RNF130: variants seen among roughly 807,000 people sequenced by gnomAD.
RNF130 encodes the protein E3 ubiquitin-protein ligase RNF130.
Under a neutral mutation model 44.6 loss-of-function variants are expected in RNF130, and 21 were observed. The ratio of observed to expected loss-of-function variants is 0.47; its 90% CI spans 0.33 to 0.68. The LOEUF is 0.68. Among genes scored for constraint, RNF130 ranks in the 30% least tolerant of loss-of-function variants. The pLI, the probability that RNF130 is intolerant of heterozygous loss-of-function variation, is 0.02. For synonymous variants in RNF130, 214 were observed against 210.4 expected (o/e 1.02, Z -0.15); for missense variants, 479 against 560.6 (o/e 0.85, Z 1.47).
intron 1 of RNF130, among the ~76,000 whole-genome samples, chr5:180,048,410 G>T (rs979519540): frequency 1.3e-5 from 2 of 152,076 alleles, no homozygotes; most frequent in African/African-American, 4.8e-5. Context: ...CCGAATCTAG[G>T]CAATTTCTGC....
intron 5 of RNF130, among the ~76,000 whole-genome samples, chr5:179,972,827 C>A (rs1176379423): frequency 1.3e-5 from 2 of 152,148 alleles, no homozygotes; most frequent in East Asian, 3.8e-4. Flanking sequence ...CTGCCTGTTT[C>A]TTTAACCTGA....
intron 2 of RNF130, among the ~76,000 whole-genome samples, chr5:180,035,275 T>A (rs1764224595): frequency 6.6e-6 from 1 of 152,250 alleles, no homozygotes; most frequent in Non-Finnish European, 1.5e-5. Flanking sequence ...TTGAATTTTT[T>A]ATTGGACCCG....
In RNF130 at chr5:180,022,429, C is replaced by A. The variant is rs923455122; in HGVS notation, c.443-9118G>T. On this transcript the variant is annotated intron_variant, in intron 2 of 8. Coordinates refer to ENST00000521389, the MANE Select transcript of RNF130 (RefSeq NM_018434.6). ...GCTTCATAAGACCCTGTGTACAGAGCTTTCCTAACTTATTCTTTTCTGGAC... is the reference window on the plus strand; with the variant it reads ...GCTTCATAAGACCCTGTGTACAGAGATTTCCTAACTTATTCTTTTCTGGAC... Among the ~76,000 whole-genome samples the A allele has an allele frequency of 1.6e-4, 24 of 152,342 alleles. 1 individual carries two copies. Among genetic ancestry groups the A allele is most frequent in the Middle Eastern group, 3.4e-3 (1 of 294 alleles).
chr5:180,051,374 C>G (rs1441539858), intron 1 of RNF130, among the ~76,000 whole-genome samples: 1 of 151,666 alleles, frequency 6.6e-6, no homozygotes, highest in Non-Finnish European at 1.5e-5. Context: ...CTCAGCCTCC[C>G]GAGTAGCTGG....
At chr5:180,016,671 C>T (rs934992652) in intron 2 of RNF130, among the ~76,000 whole-genome samples, 3 of 152,222 alleles carry the variant, frequency 2.0e-5, no homozygotes, top group Admixed American at 6.5e-5. Flanking sequence ...TGTTTCCACA[C>T]TGCTTGAGTC....
chr5:179,957,929 G>A (rs926809637), intron 8 of RNF130, among the ~76,000 whole-genome samples: 3 of 150,948 alleles, frequency 2.0e-5, no homozygotes, highest in Non-Finnish European at 4.4e-5. Flanking sequence ...CCAGGCTGGA[G>A]TGCAGTGGCG....
chr5:179,976,144 A>AC (rs995107880), intron 5 of RNF130, among the ~76,000 whole-genome samples: 8 of 152,150 alleles, frequency 5.3e-5, no homozygotes, highest in African/African-American at 1.4e-4. Flanking sequence ...ACATAGTGAG[A>AC]CCCCAACTCT....
chr5:179,918,254 C>A (rs1313990828), exon 8 of RNF130: 5 of 152,160 alleles, frequency 3.3e-5, no homozygotes. Flanking sequence ...CCAGATTTCC[C>A]AGAAATTCAA....
intron 7 of RNF130, among the ~76,000 whole-genome samples, chr5:179,941,231 C>T (rs549500484): frequency 5.4e-4 from 82 of 152,172 alleles, no homozygotes; most frequent in Middle Eastern, 3.2e-3. Context: ...TAATGGATTG[C>T]TGGACATGTA....
intron 3 of RNF130, among the ~76,000 whole-genome samples, chr5:179,980,865 A>G (rs1356215190): frequency 6.6e-6 from 1 of 152,196 alleles, no homozygotes; most frequent in Non-Finnish European, 1.5e-5. Context: ...CTTGGCACCA[A>G]CAACCCACAG....
At chr5:179,951,048 C>T (rs1271251017), downstream of RNF130, among the ~76,000 whole-genome samples, 2 of 152,146 alleles carry the variant, frequency 1.3e-5, no homozygotes, top group Non-Finnish European at 2.9e-5. Flanking sequence ...CAAACATGCT[C>T]GGCTGAACTC....
At position 180,066,510 on chromosome 5, in the gene RNF130, T is replaced by C. The variant is rs79597811; in HGVS notation, c.247+4946A>G. Among the ~76,000 whole-genome samples the C allele has an allele frequency of 7.1e-3, 1,079 of 152,196 alleles. 12 individuals carry two copies. Among genetic ancestry groups the C allele is most frequent in the African/African-American group, 0.025 (1,033 of 41,520 alleles). ...CAAGAACAACACTGTCCCTCATGGG[T>C]ATAGTCTAGCAAGTTTGTTTAAAAA... On this transcript the variant is annotated intron_variant, in intron 1 of 8. Transcript: ENST00000521389.
intron 2 of RNF130, among the ~76,000 whole-genome samples, chr5:180,013,716 G>T (rs1247393003): frequency 6.6e-6 from 1 of 152,186 alleles, no homozygotes; most frequent in African/African-American, 2.4e-5. Context: ...ATGATCTTCA[G>T]AAAGTCTTAA....
exon 8 of RNF130, chr5:179,920,311 TA>T: frequency 1.4e-6 from 1 of 697,144 alleles, no homozygotes; most frequent in Non-Finnish European, 2.6e-6. Context: ...AGGCCATGTT[TA>T]AAATTCAGGT....
intron 1 of RNF130, among the ~76,000 whole-genome samples, chr5:180,050,367 G>A (rs1306143467): frequency 2.0e-5 from 3 of 152,182 alleles, no homozygotes; most frequent in African/African-American, 4.8e-5. Flanking sequence ...CTGACTCCAG[G>A]GAGTGTCACT....
At chr5:179,934,638 G>A (rs80291090) in intron 7 of RNF130, among the ~76,000 whole-genome samples, 4,149 of 150,968 alleles carry the variant, frequency 0.027, 220 homozygotes, top group African/African-American at 0.094. Context: ...CGAACTTATG[G>A]GTTCAAGTGA....
chr5:180,030,954 C>A (rs556294267), intron 2 of RNF130, among the ~76,000 whole-genome samples: 1 of 152,268 alleles, frequency 6.6e-6, no homozygotes, highest in Admixed American at 6.5e-5. Context: ...CCTGAAATAA[C>A]AAGACCAACC....
rs1762551849 is a variant in RNF130, at chr5:179,970,317, G to A, written c.945+93C>T. ...AGCCAGTGTTTTCTTCTGTGTCTTAGTCATGCCTCCTATTATGCCAATTAT... is the reference window on the plus strand; with the variant it reads ...AGCCAGTGTTTTCTTCTGTGTCTTAATCATGCCTCCTATTATGCCAATTAT... On this transcript the variant is annotated intron_variant, in intron 6 of 8. Coordinates refer to ENST00000521389, the MANE Select transcript of RNF130 (RefSeq NM_018434.6). 8.7e-6 allele frequency: 8 copies of A among 923,644 alleles called. No individual in the cohort carries two copies. The South Asian group carries it at 9.5e-5, about 11-fold the overall frequency. 57.2% of individuals were successfully genotyped at this position (923,644 alleles called of 1,614,324 possible).
At chr5:179,997,712 C>T (rs1763237657) in intron 3 of RNF130, among the ~76,000 whole-genome samples, 1 of 152,148 alleles carries the variant, frequency 6.6e-6, no homozygotes. Flanking sequence ...AGCAATCAGT[C>T]TACCTTGGCC....
Sources: gnomAD v4.1 joint callset for allele counts (sites outside exome capture counted in the v4.1 genomes callset) on GRCh38, gnomAD v4.1.1 for gene constraint, MANE v1.5 for transcripts, NCBI Gene and HGNC (gene_info 2026-07-23, HGNC 2026-07-21) for gene names.